The following MAGI2 variants were observed in gnomAD, a reference collection of about 807,000 sequenced individuals.
MAGI2 encodes membrane associated guanylate kinase, WW and PDZ domain containing 2.
MAGI2 carries 35 observed loss-of-function variants against 133.3 expected under a neutral mutation model. The ratio of observed to expected loss-of-function variants is 0.26; its 90% CI spans 0.20 to 0.35. The LOEUF (loss-of-function observed/expected upper bound fraction) is 0.35, where lower values mean the gene tolerates loss of function less well. Ranked by LOEUF, MAGI2 falls within the 10% of genes least tolerant of loss-of-function variation. The pLI is 1.00. For missense variants in MAGI2, 1,636 were observed against 1,863.4 expected (o/e 0.88, Z 2.25); for synonymous variants, 729 against 710.6 (o/e 1.03, Z -0.41).
At chr7:78,027,844 G>A (rs1809110152) in intron 21 of MAGI2, among the ~76,000 whole-genome samples, 1 of 152,116 alleles carries the variant, frequency 6.6e-6, no homozygotes, top group African/African-American at 2.4e-5. Context: ...CAAATGACTA[G>A]AATTATTCTG....
In MAGI2 at chr7:78,336,411, A is replaced by C. The variant is rs187703997; in HGVS notation, c.1408+7367T>G. On this transcript the variant is annotated intron_variant, in intron 9 of 21. Coordinates refer to ENST00000354212, the MANE Select transcript of MAGI2 (RefSeq NM_012301.4). Reference sequence around the variant, plus strand: ...GTGATATCTACCTGCTCAAGTGGAGAAGTGCCAGGGGCTGAAGAATTCTAG... The same window carrying C: ...GTGATATCTACCTGCTCAAGTGGAGCAGTGCCAGGGGCTGAAGAATTCTAG... 7.2e-5 allele frequency among the ~76,000 whole-genome samples: 11 copies of C among 152,228 alleles called. No homozygotes were observed. In the East Asian group the frequency reaches 2.1e-3, roughly 29 times the overall value.
intron 1 of MAGI2, among the ~76,000 whole-genome samples, chr7:79,024,010 G>A (rs1336729125): frequency 1.3e-5 from 2 of 151,936 alleles, no homozygotes; most frequent in Admixed American, 6.6e-5. Context: ...GAACCAAAAA[G>A]GATCTCCAAT....
chr7:79,107,082 G>T (rs1244856421), intron 1 of MAGI2, among the ~76,000 whole-genome samples: 2 of 152,150 alleles, frequency 1.3e-5, no homozygotes, highest in African/African-American at 4.8e-5. Flanking sequence ...AAGGTATTTT[G>T]CAGATGTAAC....
At chr7:78,338,591 A>G (rs76786985) in intron 9 of MAGI2, among the ~76,000 whole-genome samples, 2 of 152,206 alleles carry the variant, frequency 1.3e-5, no homozygotes, top group African/African-American at 4.8e-5. Context: ...AATTAGCAAA[A>G]TATCTGGCAC....
chr7:78,293,757 A>G (rs1409141389), intron 9 of MAGI2, among the ~76,000 whole-genome samples: 2 of 152,202 alleles, frequency 1.3e-5, no homozygotes, highest in African/African-American at 4.8e-5. Context: ...ATGCAGCCAT[A>G]AAAAAGGATG....
At chr7:78,827,083 G>A (rs1790726254) in intron 2 of MAGI2, among the ~76,000 whole-genome samples, 1 of 152,022 alleles carries the variant, frequency 6.6e-6, no homozygotes, top group African/African-American at 2.4e-5. Context: ...TATAGATACA[G>A]CTTCATATAG....
chr7:78,990,502 A>G (rs1805654846), intron 2 of MAGI2, among the ~76,000 whole-genome samples: 1 of 151,972 alleles, frequency 6.6e-6, no homozygotes, highest in Non-Finnish European at 1.5e-5. Context: ...TCTCAATCGG[A>G]ATGTCCTTCT....
intron 12 of MAGI2, among the ~76,000 whole-genome samples, chr7:78,188,871 G>A (rs1036832863): frequency 6.6e-6 from 1 of 152,208 alleles, no homozygotes; most frequent in African/African-American, 2.4e-5. Flanking sequence ...GAGACTTGGA[G>A]TCAGGAAGGC....
intron 1 of MAGI2, among the ~76,000 whole-genome samples, chr7:79,019,974 G>C (rs1809127695): frequency 6.6e-6 from 1 of 152,232 alleles, no homozygotes; most frequent in African/African-American, 2.4e-5. Flanking sequence ...AAAAGGCAAA[G>C]GTTAGAACAG....
At chr7:78,589,521 A>T (rs1472870227) in intron 3 of MAGI2, among the ~76,000 whole-genome samples, 1 of 152,050 alleles carries the variant, frequency 6.6e-6, no homozygotes, top group African/African-American at 2.4e-5. Context: ...GGATGAGGAG[A>T]TTTTCCTGAT....
intron 1 of MAGI2, among the ~76,000 whole-genome samples, chr7:79,069,511 T>C (rs1814732620): frequency 7.1e-6 from 1 of 141,222 alleles, no homozygotes; most frequent in African/African-American, 2.7e-5. Context: ...GAAATGGGTC[T>C]CCTGAATACA....
intron 10 of MAGI2, among the ~76,000 whole-genome samples, chr7:78,210,539 G>C (rs1464461944): frequency 6.6e-6 from 1 of 152,178 alleles, no homozygotes; most frequent in Non-Finnish European, 1.5e-5. Flanking sequence ...GTGCCTTTGG[G>C]AGTATGGGTT....
intron 1 of MAGI2, among the ~76,000 whole-genome samples, chr7:79,355,294 A>G (rs190033672): frequency 6.6e-6 from 1 of 152,334 alleles, no homozygotes; most frequent in Admixed American, 6.5e-5. Flanking sequence ...ACATGGGAGC[A>G]TGTGAATAAA....
At chr7:78,623,564 A>C (rs1807979390) in intron 3 of MAGI2, among the ~76,000 whole-genome samples, 1 of 152,110 alleles carries the variant, frequency 6.6e-6, no homozygotes, top group Non-Finnish European at 1.5e-5. Context: ...AAGGTACAGC[A>C]CTAATGCATA....
intron 4 of MAGI2, among the ~76,000 whole-genome samples, chr7:78,508,984 T>C (rs2150550400): frequency 6.6e-6 from 1 of 151,818 alleles, no homozygotes; most frequent in East Asian, 1.9e-4. Flanking sequence ...CAGGTTCAAG[T>C]GATTCTCCTG....
chr7:78,104,676 C>T (rs1818510233), intron 20 of MAGI2, among the ~76,000 whole-genome samples: 1 of 152,132 alleles, frequency 6.6e-6, no homozygotes, highest in Admixed American at 6.5e-5. Context: ...CTGTTCTTCC[C>T]AGTGGAAGCT....
chr7:79,266,024 G>C (rs1302269866), intron 1 of MAGI2, among the ~76,000 whole-genome samples: 2 of 151,930 alleles, frequency 1.3e-5, no homozygotes, highest in Non-Finnish European at 2.9e-5. Flanking sequence ...GATTTTTTCT[G>C]CAAATTTATT....
intron 1 of MAGI2, among the ~76,000 whole-genome samples, chr7:79,432,341 T>C (rs1291901850): frequency 6.6e-6 from 1 of 152,186 alleles, no homozygotes; most frequent in Non-Finnish European, 1.5e-5. Context: ...AGCTGTTTGT[T>C]GAATTATTGA....
intron 3 of MAGI2, among the ~76,000 whole-genome samples, chr7:78,560,812 T>C (rs191322753): frequency 2.9e-4 from 44 of 152,282 alleles, no homozygotes; most frequent in African/African-American, 9.6e-4. Context: ...GCTGAGAGCA[T>C]CAGGAATTGA....
Sources: allele counts gnomAD v4.1 joint callset (sites outside exome capture counted in the v4.1 genomes callset), GRCh38; gene constraint gnomAD v4.1.1; transcripts MANE v1.5; gene names NCBI Gene and HGNC (gene_info 2026-07-23, HGNC 2026-07-21).